Variants in CNTN6 observed in about 807,000 individuals in gnomAD.
The protein encoded by CNTN6 is contactin 6, also known as contactin-6.
CNTN6 carries 137 observed loss-of-function variants against 122.8 expected under a neutral mutation model. The observed-to-expected ratio is 1.12, with a 90% CI of 0.97 to 1.29. The LOEUF (loss-of-function observed/expected upper bound fraction) is 1.29. CNTN6 is among the 50% of genes most tolerant of loss of function. The pLI, the probability that CNTN6 is intolerant of heterozygous loss-of-function variation, is 0.00. For missense variants in CNTN6, 1,634 were observed against 1,223.4 expected (o/e 1.34, Z -5.01); for synonymous variants, 570 against 426.0 (o/e 1.34, Z -4.16).
chr3:1,237,454 C>G (rs1413869257), intron 4 of CNTN6, among the ~76,000 whole-genome samples: 1 of 152,132 alleles, frequency 6.6e-6, no homozygotes, highest in Non-Finnish European at 1.5e-5. Context: ...GAAGAGAAAT[C>G]TAACAATTTG....
chr3:1,392,495 G>T (rs1419322284), intron 20 of CNTN6, among the ~76,000 whole-genome samples: 2 of 151,522 alleles, frequency 1.3e-5, no homozygotes, highest in African/African-American at 4.9e-5. Flanking sequence ...CATAGGCATG[G>T]GCAAGGACTT....
At chr3:1,107,110 C>G (rs572807421) in intron 1 of CNTN6, among the ~76,000 whole-genome samples, 1 of 152,152 alleles carries the variant, frequency 6.6e-6, no homozygotes, top group Admixed American at 6.5e-5. Context: ...CTAGTTTTAT[C>G]TGGAAACACC....
chr3:1,122,893 T>TA (rs756470591), intron 1 of CNTN6, among the ~76,000 whole-genome samples: 2 of 151,910 alleles, frequency 1.3e-5, no homozygotes, highest in Non-Finnish European at 2.9e-5. Context: ...TGTGCTACTA[T>TA]AAGCATGTGT....
intron 4 of CNTN6, among the ~76,000 whole-genome samples, chr3:1,262,544 A>G (rs2094862897): frequency 1.3e-5 from 2 of 152,168 alleles, no homozygotes; most frequent in East Asian, 1.9e-4. Context: ...TACTACTTTA[A>G]GTGAATTTCA....
At chr3:1,283,327 T>G (rs1693793769) in intron 5 of CNTN6, among the ~76,000 whole-genome samples, 2 of 152,206 alleles carry the variant, frequency 1.3e-5, no homozygotes, top group African/African-American at 2.4e-5. Flanking sequence ...GGCTGAACTT[T>G]GAGCTGTATG....
rs190077616 is a variant in CNTN6, at chr3:1,185,917, G to A, written c.56-34770G>A. On this transcript the variant is annotated intron_variant, in intron 2 of 22. Coordinates refer to ENST00000446702, the MANE Select transcript of CNTN6 (RefSeq NM_001289080.2). ...AATTATTTAGTTCCTAGAGACAGAT[G>A]TATTCTTAATACATTTTAGGCCTTT... is the stretch of plus-strand genomic sequence containing the variant. 3.0e-4 allele frequency among the ~76,000 whole-genome samples: 45 copies of A among 152,182 alleles called. 1 individual carries two copies. Among genetic ancestry groups the A allele is most frequent in the Admixed American group, 2.9e-3 (45 of 15,282 alleles).
chr3:1,305,289 T>G, intron 7 of CNTN6, among the ~76,000 whole-genome samples: 1 of 152,176 alleles, frequency 6.6e-6, no homozygotes, highest in Admixed American at 6.5e-5. Context: ...TAAACCACTA[T>G]AAGCTAGTGT....
At chr3:1,230,689 T>C (rs9844484) in intron 4 of CNTN6, among the ~76,000 whole-genome samples, 52,886 of 152,080 alleles carry the variant, frequency 0.35, 10,330 homozygotes, top group South Asian at 0.54. Context: ...TCACTGATAT[T>C]GGGGCTTTCT....
intron 2 of CNTN6, among the ~76,000 whole-genome samples, chr3:1,195,112 C>A (rs776572609): frequency 6.6e-6 from 1 of 152,142 alleles, no homozygotes; most frequent in Non-Finnish European, 1.5e-5. Context: ...AGGTTCCAGA[C>A]AACTAAAGAC....
At position 1,187,693 on chromosome 3, in the gene CNTN6, G is replaced by A. The variant is rs150314507; in HGVS notation, c.56-32994G>A. Among the ~76,000 whole-genome samples the A allele has an allele frequency of 1.6e-4, 24 of 152,272 alleles. No individual in the cohort carries two copies. In the East Asian group the frequency reaches 3.9e-3, roughly 24 times the overall value. On this transcript the variant is annotated intron_variant, in intron 2 of 22. Transcript: ENST00000446702. ...GTGAGGCCAAGGGAAAAATGCAAACGCAGGACCTCTTGTTCATAAATCATT... is the reference window on the plus strand; with the variant it reads ...GTGAGGCCAAGGGAAAAATGCAAACACAGGACCTCTTGTTCATAAATCATT...
intron 4 of CNTN6, among the ~76,000 whole-genome samples, chr3:1,231,322 C>T (rs1166111583): frequency 1.3e-5 from 2 of 152,208 alleles, no homozygotes; most frequent in East Asian, 3.9e-4. Context: ...AATGGATCAA[C>T]TCCCTTGCTT....
chr3:1,272,913 TA>T (rs1456211173), intron 4 of CNTN6, among the ~76,000 whole-genome samples: 1 of 152,228 alleles, frequency 6.6e-6, no homozygotes, highest in Non-Finnish European at 1.5e-5. Context: ...ACCTTAATTT[TA>T]AGTACATTTT....
intron 4 of CNTN6, among the ~76,000 whole-genome samples, chr3:1,253,401 A>G (rs977745249): frequency 6.6e-6 from 1 of 152,018 alleles, no homozygotes. Context: ...GTGTTTATAT[A>G]CTCTATAATT....
In CNTN6 at chr3:1,352,467, C is replaced by T; in HGVS notation, c.1492+16C>T. 3 of 1,608,840 alleles carry T rather than the reference C, an allele frequency of 1.9e-6. No homozygotes were observed. Among genetic ancestry groups the T allele is most frequent in the South Asian group, 2.2e-5 (2 of 90,914 alleles). ...ATTGTAAAAGGTATCATATTATCTT[C>T]ATTTGTGCTTGATGAACATTGTAAA... On this transcript the variant is annotated intron_variant, in intron 12 of 22. Coordinates refer to ENST00000446702, the MANE Select transcript of CNTN6 (RefSeq NM_001289080.2).
chr3:1,402,493 T>G lies in CNTN6; in HGVS notation c.2986+7T>G, dbSNP rs1695851965. 1 of 1,602,896 alleles carries G rather than the reference T, an allele frequency of 6.2e-7. No homozygotes were observed. Among genetic ancestry groups the G allele is most frequent in the Admixed American group, 1.7e-5 (1 of 59,638 alleles). ...AGGATTCCAAAAATGTCAAGTAAGT[T>G]GAGTCACCATTGCTGTAGTAGATTC... On this transcript the variant is annotated splice_region_variant and intron_variant, in intron 22 of 22. Transcript: ENST00000446702.
chr3:1,385,634 C>T lies in CNTN6; in HGVS notation c.2541C>T (p.Ser847=), dbSNP rs1692765947. Residue 847 remains serine (S), a synonymous_variant, in exon 20 of 23, where the codon TCC becomes TCT. Coordinates refer to ENST00000446702, the MANE Select transcript of CNTN6 (RefSeq NM_001289080.2). ...AGGTCTTATACTGGACAGATGACTC[C>T]AAAGAATCCATGATAGGTAAAATTA... ...GYEVLYWTDD[S]KESMIGKIRV... is the part of the protein sequence containing the mutation. 6.2e-7 allele frequency: 1 copy of T among 1,613,654 alleles called. No homozygotes were observed. Among genetic ancestry groups the T allele is most frequent in the Non-Finnish European group, 8.5e-7 (1 of 1,179,750 alleles).
At chr3:1,208,084 G>A (rs1252921126) in intron 2 of CNTN6, among the ~76,000 whole-genome samples, 1 of 151,826 alleles carries the variant, frequency 6.6e-6, no homozygotes, top group Admixed American at 6.6e-5. Flanking sequence ...TTATCTCAGT[G>A]GTTTCAAACG....
At chr3:1,319,291 C>T (rs1365115765) in intron 7 of CNTN6, among the ~76,000 whole-genome samples, 1 of 151,676 alleles carries the variant, frequency 6.6e-6, no homozygotes, top group African/African-American at 2.4e-5. Context: ...TTGAATTATA[C>T]TCATAGCTTC....
chr3:1,194,330 C>G (rs1247669988), intron 2 of CNTN6, among the ~76,000 whole-genome samples: 3 of 152,110 alleles, frequency 2.0e-5, no homozygotes, highest in Non-Finnish European at 4.4e-5. Flanking sequence ...TGTTCTCAGA[C>G]TCCTCACTTC....
Sources: allele counts gnomAD v4.1 joint callset (sites outside exome capture counted in the v4.1 genomes callset), GRCh38; gene constraint gnomAD v4.1.1; transcripts MANE v1.5; gene names NCBI Gene and HGNC (gene_info 2026-07-23, HGNC 2026-07-21).